Variants in MME observed in about 807,000 individuals in gnomAD.
MME encodes the protein neprilysin.
MME carries 98 observed loss-of-function variants against 113.2 expected under a neutral mutation model. That is an observed-to-expected ratio of 0.87 (90% CI 0.74 to 1.02). MME has a LOEUF of 1.02. MME is among the 50% of genes least tolerant of loss of function. The pLI, the probability that MME is intolerant of heterozygous loss-of-function variation, is 0.00. For synonymous variants in MME, 292 were observed against 300.6 expected, an observed-to-expected ratio of 0.97 and a Z score of 0.30; for missense variants, 836 against 896.0, an observed-to-expected ratio of 0.93 and a Z score of 0.86.
At chr3:155,026,186 G>T (rs1053582849) in intron 1 of MME, among the ~76,000 whole-genome samples, 1 of 150,448 alleles carries the variant, frequency 6.6e-6, no homozygotes, top group Admixed American at 6.6e-5. Context: ...TTGTTTGTTT[G>T]TTGGGGTAGG....
At chr3:155,172,700 C>T (rs1190459276) in intron 22 of MME, 88 bp downstream of exon 22, 2 of 894,780 alleles carry the variant, frequency 2.2e-6, no homozygotes, top group Non-Finnish European at 1.8e-6. Flanking sequence ...AACTCTGATT[C>T]TTTTACATTT....
chr3:155,056,033 C>G (rs1339216893), intron 1 of MME, among the ~76,000 whole-genome samples: 1 of 152,042 alleles, frequency 6.6e-6, no homozygotes, highest in Non-Finnish European at 1.5e-5. Context: ...CACTATCCAC[C>G]CCATCCCACC....
At position 155,080,439 on chromosome 3, in the gene MME, T is replaced by G. The variant is rs200236371; in HGVS notation, c.-38T>G. ...TGCCATTCTGCTGTACAGACACTGA[T>G]TTTTTTTTCTTCTTTTTAAAAAGCA... On this transcript the variant is annotated 5_prime_UTR_variant, in exon 1 of 23. Transcript: ENST00000360490. 2.7e-5 allele frequency: 4 copies of G among 146,712 alleles called. No homozygotes were observed. The East Asian group carries it at 7.7e-4, about 28-fold the overall frequency. The allele number at this position is 146,712 out of a possible 1,614,324, so 9.1% of individuals were successfully genotyped here.
chr3:155,143,439 G>C lies in MME; in HGVS notation c.1189-4G>C. On this transcript the variant is annotated splice_region_variant and splice_polypyrimidine_tract_variant and intron_variant, in intron 12 of 22. Transcript: ENST00000360490. ...AAATGCCATTTCCTTTTTCTTTTCC[G>C]TAGGCCCTTTATGGTACAACCTCAG... 1.2e-6 allele frequency: 2 copies of C among 1,611,128 alleles called. No homozygotes were observed. Among genetic ancestry groups the C allele is most frequent in the East Asian group, 2.2e-5 (1 of 44,794 alleles).
chr3:155,049,002 A>G (rs1473627251), intron 1 of MME, among the ~76,000 whole-genome samples: 1 of 152,092 alleles, frequency 6.6e-6, no homozygotes, highest in East Asian at 1.9e-4. Context: ...GTTCTGTGTT[A>G]AGCACCCCCA....
rs749876116 is a variant in MME at position 155,116,680 on chromosome 3, A to G, written c.456A>G (p.Arg152=). 1 of 1,612,530 alleles carries G rather than the reference A, an allele frequency of 6.2e-7. No individual in the cohort carries two copies. Among genetic ancestry groups the G allele is most frequent in the African/African-American group, 1.3e-5 (1 of 74,846 alleles). The stretch of plus-strand genomic sequence containing the variant: ...TTCCAAAAGCTGCTATTGATAGCAG[A>G]GGTGGAGAACCTCTACTCAAACTGT... ...SCINESAIDS[R]GGEPLLKLLP... The change falls in exon 6 of 23, where the codon AGA becomes AGG. Residue 152 remains arginine (R), a synonymous_variant. Coordinates refer to ENST00000360490, the MANE Select transcript of MME (RefSeq NM_007289.4).
chr3:155,057,389 A>C (rs577846495), intron 1 of MME, among the ~76,000 whole-genome samples: 1 of 152,114 alleles, frequency 6.6e-6, no homozygotes, highest in African/African-American at 2.4e-5. Flanking sequence ...AATCAAAACC[A>C]CAATGAGATA....
At chr3:155,043,335 T>TC (rs1196743021) in intron 1 of MME, among the ~76,000 whole-genome samples, 1 of 148,964 alleles carries the variant, frequency 6.7e-6, no homozygotes, top group Non-Finnish European at 1.5e-5. Flanking sequence ...TTTCTTTCTT[T>TC]CTTTTTTTTT....
upstream of MME, among the ~76,000 whole-genome samples, chr3:155,079,177 A>C (rs1714896068): frequency 6.6e-6 from 1 of 152,070 alleles, no homozygotes; most frequent in Non-Finnish European, 1.5e-5. Flanking sequence ...GGAAGGAAAG[A>C]AGGAAACGGG....
At chr3:155,115,326 ATTAATGTG>A (rs1426083227) in intron 4 of MME, among the ~76,000 whole-genome samples, 171 bp downstream of exon 4, 3 of 152,232 alleles carry the variant, frequency 2.0e-5, no homozygotes, top group Non-Finnish European at 4.4e-5. Flanking sequence ...AGACACTGAA[ATTAATGTG>A]TTGACATCTC....
chr3:155,132,113 A>C (rs1720189004), intron 8 of MME, among the ~76,000 whole-genome samples: 1 of 152,132 alleles, frequency 6.6e-6, no homozygotes, highest in South Asian at 2.1e-4. Context: ...AAAATCCCTG[A>C]TCCATAGGTA....
intron 3 of MME, among the ~76,000 whole-genome samples, chr3:155,098,257 T>C (rs1338378621): frequency 2.0e-5 from 3 of 151,728 alleles, no homozygotes; most frequent in Non-Finnish European, 4.4e-5. Context: ...AAAAGTAAAG[T>C]AAAAAATAGA....
chr3:155,084,506 C>A lies in MME; in HGVS notation c.160+179C>A, dbSNP rs568153585. 6.0e-5 allele frequency: 40 copies of A among 670,432 alleles called. No individual in the cohort carries two copies. The Admixed American group carries it at 6.0e-4, about 10-fold the overall frequency. 41.5% of individuals were successfully genotyped at this position (670,432 alleles called of 1,614,324 possible). On this transcript the variant is annotated intron_variant, in intron 2 of 22. Transcript: ENST00000360490. ...AAATAATTAACTTTGAAGTACGGTG[C>A]CTTTTATGTTTGAGCTAAGTTATTA...
At chr3:155,048,656 T>C (rs1713650043) in intron 1 of MME, among the ~76,000 whole-genome samples, 1 of 152,154 alleles carries the variant, frequency 6.6e-6, no homozygotes, top group African/African-American at 2.4e-5. Context: ...TTCTTTGTCC[T>C]TGAAGTTTAG....
upstream of MME, chr3:155,079,569 T>G (rs1390050917): frequency 1.5e-5 from 2 of 133,926 alleles, no homozygotes; most frequent in Admixed American, 8.3e-5. Context: ...GCGGAAACCT[T>G]CAGGTCACCC....
At chr3:155,088,874 C>G (rs1378271362) in intron 3 of MME, among the ~76,000 whole-genome samples, 1 of 152,068 alleles carries the variant, frequency 6.6e-6, no homozygotes, top group Admixed American at 6.6e-5. Context: ...AAGATGGCCC[C>G]AACTTGAACC....
intron 3 of MME, among the ~76,000 whole-genome samples, chr3:155,109,668 C>G (rs1217624523): frequency 1.2e-4 from 18 of 151,948 alleles, no homozygotes; most frequent in Non-Finnish European, 1.0e-4. Flanking sequence ...CACATTAGAC[C>G]CACTCTAGAA....
chr3:155,061,633 C>A (rs1234644153), intron 1 of MME, among the ~76,000 whole-genome samples: 2 of 149,598 alleles, frequency 1.3e-5, no homozygotes, highest in African/African-American at 2.5e-5. Context: ...ACTAGATTTA[C>A]TTATTAATTC....
At chr3:155,127,997 A>T (rs1477282844) in intron 8 of MME, among the ~76,000 whole-genome samples, 1 of 152,216 alleles carries the variant, frequency 6.6e-6, no homozygotes, top group Non-Finnish European at 1.5e-5. Context: ...AACACGCAGC[A>T]TGCTTGCTGC....
Sources: gnomAD v4.1 joint callset for allele counts (sites outside exome capture counted in the v4.1 genomes callset) on GRCh38, gnomAD v4.1.1 for gene constraint, MANE v1.5 for transcripts, NCBI Gene and HGNC (gene_info 2026-07-23, HGNC 2026-07-21) for gene names.